The following FAM168A variants were observed in gnomAD, a reference collection of about 807,000 sequenced individuals.
FAM168A encodes family with sequence similarity 168 member A.
A neutral mutation model predicts 28.5 loss-of-function variants in FAM168A; 3 were observed. The observed-to-expected ratio is 0.11, with a 90% CI of 0.05 to 0.27. The LOEUF (loss-of-function observed/expected upper bound fraction) is 0.27, where lower values mean the gene tolerates loss of function less well. Among genes scored for constraint, FAM168A ranks in the 10% least tolerant of loss-of-function variants. The probability of loss-of-function intolerance (pLI) is 1.00; values close to 1 mark genes in which losing one functional copy is unlikely to be tolerated. For missense variants in FAM168A, 222 were observed against 311.5 expected (o/e 0.71, Z 2.16); for synonymous variants, 122 against 124.2 (o/e 0.98, Z 0.12).
intron 1 of FAM168A, among the ~76,000 whole-genome samples, chr11:73,520,674 T>C (rs1943364206): frequency 1.3e-5 from 2 of 152,288 alleles, no homozygotes; most frequent in Admixed American, 6.5e-5. Context: ...TTATAATCCT[T>C]GAATGAAAAG....
At chr11:73,417,559 C>CTTTTT (rs11284405) in intron 4 of FAM168A, among the ~76,000 whole-genome samples, 3 of 130,014 alleles carry the variant, frequency 2.3e-5, no homozygotes, top group African/African-American at 9.3e-5. Context: ...ACCTCTCTCT[C>CTTTTT]TTTTTTTTTT....
chr11:73,438,949 G>A lies in FAM168A; in HGVS notation c.71-8179C>T, dbSNP rs372176390. On this transcript the variant is annotated intron_variant, in intron 2 of 7. Transcript: ENST00000356467. The stretch of plus-strand genomic sequence containing the variant: ...CAGGGTTTGCAAGTACTATCCCCCC[G>A]CCTCACCCCCCCTTCTTTTCTTTGA... Among the ~76,000 whole-genome samples the A allele has an allele frequency of 5.7e-4, 81 of 142,576 alleles. 2 individuals are homozygous for A. Among genetic ancestry groups the A allele is most frequent in the Admixed American group, 3.2e-3 (44 of 13,894 alleles). 93.5% of individuals were successfully genotyped at this position (142,576 alleles called of 152,430 possible). A position where few individuals can be genotyped will look rare whatever the true frequency, so the allele number is the denominator to read the frequency against.
chr11:73,581,921 G>A (rs775708322), intron 1 of FAM168A, among the ~76,000 whole-genome samples: 1 of 151,968 alleles, frequency 6.6e-6, no homozygotes, highest in African/African-American at 2.4e-5. Flanking sequence ...GTTTCACCAC[G>A]TTGGCCAGGA....
chr11:73,537,433 C>T (rs1328714899), intron 1 of FAM168A, among the ~76,000 whole-genome samples: 3 of 152,066 alleles, frequency 2.0e-5, no homozygotes, highest in Admixed American at 6.6e-5. Context: ...TGGTGGCATG[C>T]GCCTATAGTC....
At chr11:73,566,810 A>G (rs989314156) in intron 1 of FAM168A, among the ~76,000 whole-genome samples, 3 of 152,242 alleles carry the variant, frequency 2.0e-5, no homozygotes, top group African/African-American at 7.2e-5. Flanking sequence ...CAGGTCCTAT[A>G]ACAGGCATCA....
intron 1 of FAM168A, among the ~76,000 whole-genome samples, chr11:73,532,053 T>A (rs2134665307): frequency 6.7e-6 from 1 of 150,320 alleles, no homozygotes; most frequent in East Asian, 2.0e-4. Context: ...ACTCAAGCAG[T>A]CTACCCTCCT....
intron 1 of FAM168A, among the ~76,000 whole-genome samples, chr11:73,530,351 C>T (rs1943501810): frequency 6.6e-6 from 1 of 152,220 alleles, no homozygotes; most frequent in Non-Finnish European, 1.5e-5. Flanking sequence ...CTATTAGGTT[C>T]TGCCGATAGA....
At chr11:73,571,592 G>C (rs1225437416) in intron 1 of FAM168A, among the ~76,000 whole-genome samples, 2 of 152,010 alleles carry the variant, frequency 1.3e-5, no homozygotes, top group South Asian at 4.2e-4. Flanking sequence ...ATCTCGGCTC[G>C]CTACAACCTC....
intron 1 of FAM168A, among the ~76,000 whole-genome samples, chr11:73,479,145 T>C (rs1285727382): frequency 6.6e-6 from 1 of 152,166 alleles, no homozygotes; most frequent in Non-Finnish European, 1.5e-5. Flanking sequence ...ACATGATGAT[T>C]ATAGCTCAGC....
At chr11:73,492,301 G>C (rs1311674906) in intron 1 of FAM168A, among the ~76,000 whole-genome samples, 1 of 152,158 alleles carries the variant, frequency 6.6e-6, no homozygotes, top group African/African-American at 2.4e-5. Flanking sequence ...AGCACATCCT[G>C]AAAAAATAAG....
intron 2 of FAM168A, among the ~76,000 whole-genome samples, chr11:73,467,085 G>C (rs1314413318): frequency 2.0e-5 from 3 of 152,110 alleles, no homozygotes; most frequent in African/African-American, 4.8e-5. Flanking sequence ...TATGAAGTCT[G>C]AATTTATACT....
At chr11:73,499,303 A>G (rs541252592) in intron 1 of FAM168A, among the ~76,000 whole-genome samples, 4 of 152,288 alleles carry the variant, frequency 2.6e-5, no homozygotes, top group African/African-American at 9.6e-5. Context: ...AAAACAAACA[A>G]GCAGAAAGCA....
intron 2 of FAM168A, among the ~76,000 whole-genome samples, chr11:73,447,941 T>G (rs1428157590): frequency 6.6e-6 from 1 of 152,242 alleles, no homozygotes; most frequent in Non-Finnish European, 1.5e-5. Flanking sequence ...TCACTGAGCT[T>G]TAGCTATCTC....
chr11:73,512,645 G>A (rs1470327433), intron 1 of FAM168A, among the ~76,000 whole-genome samples: 1 of 151,422 alleles, frequency 6.6e-6, no homozygotes, highest in Non-Finnish European at 1.5e-5. Flanking sequence ...CAGAGAGCTA[G>A]GAATTGGCAG....
At chr11:73,480,125 G>A (rs1278047391) in intron 1 of FAM168A, among the ~76,000 whole-genome samples, 1 of 152,018 alleles carries the variant, frequency 6.6e-6, no homozygotes, top group Non-Finnish European at 1.5e-5. Flanking sequence ...TGAAATGGAG[G>A]AGAACCCTGA....
At chr11:73,498,149 G>A (rs549206041) in intron 1 of FAM168A, among the ~76,000 whole-genome samples, 31 of 152,094 alleles carry the variant, frequency 2.0e-4, no homozygotes, top group Non-Finnish European at 3.4e-4. Context: ...AAGCAGTGGC[G>A]TTTGGAGGCT....
At chr11:73,550,631 G>C (rs1943813822) in intron 1 of FAM168A, among the ~76,000 whole-genome samples, 1 of 151,930 alleles carries the variant, frequency 6.6e-6, no homozygotes, top group South Asian at 2.1e-4. Context: ...CTCCAGCCTG[G>C]GTGACAGAGT....
chr11:73,526,103 T>A (rs751745852), intron 1 of FAM168A, among the ~76,000 whole-genome samples: 1 of 152,084 alleles, frequency 6.6e-6, no homozygotes. Flanking sequence ...ATCAAAAATA[T>A]TTGCACCATG....
chr11:73,516,319 C>T (rs1943303894), intron 1 of FAM168A, among the ~76,000 whole-genome samples: 1 of 152,090 alleles, frequency 6.6e-6, no homozygotes, highest in Non-Finnish European at 1.5e-5. Flanking sequence ...TCAATTTTTT[C>T]ATTTGTAAAA....
Sources: allele counts gnomAD v4.1 joint callset (sites outside exome capture counted in the v4.1 genomes callset), GRCh38; gene constraint gnomAD v4.1.1; transcripts MANE v1.5; gene names NCBI Gene and HGNC (gene_info 2026-07-23, HGNC 2026-07-21).